Variants in FGF13 observed in about 807,000 individuals in gnomAD.
FGF13 encodes the protein fibroblast growth factor homologous factor 2.
A neutral mutation model predicts 19.5 loss-of-function variants in FGF13; 2 were observed. The observed-to-expected ratio is 0.10, with a 90% confidence interval of 0.04 to 0.32. The LOEUF is 0.32. Ranked by LOEUF, FGF13 falls within the 10% of genes least tolerant of loss-of-function variation. The pLI is 1.00. For missense variants in FGF13, 113 were observed against 192.7 expected (o/e 0.59, Z 2.45); for synonymous variants, 72 against 76.9 (o/e 0.94, Z 0.33).
At chrX:138,971,745 T>A (rs1421984264) in intron 1 of FGF13, among the ~76,000 whole-genome samples, 1 of 111,582 alleles carries the variant, frequency 9.0e-6, no homozygotes, top group Non-Finnish European at 1.9e-5. Context: ...ATCCGCTATT[T>A]TGAAGTATAC....
chrX:139,122,029 T>C (rs1469305347), intron 1 of FGF13, among the ~76,000 whole-genome samples: 1 of 111,376 alleles, frequency 9.0e-6, no homozygotes, highest in Non-Finnish European at 1.9e-5. Flanking sequence ...GGCAAGAAGA[T>C]AGTGACACAG....
At chrX:138,679,925 C>T (rs2089711130) in intron 3 of FGF13, among the ~76,000 whole-genome samples, 1 of 112,185 alleles carries the variant, frequency 8.9e-6, no homozygotes, top group Admixed American at 9.4e-5. Flanking sequence ...ATTTCAAAAT[C>T]GGATTATATC....
intron 3 of FGF13, among the ~76,000 whole-genome samples, chrX:138,832,505 GTTGT>G (rs988055146): frequency 3.6e-5 from 4 of 111,689 alleles, no homozygotes; most frequent in African/African-American, 1.3e-4. Flanking sequence ...TTTTAATAGG[GTTGT>G]TTGTTTTTAT....
At position 139,124,697 on chromosome X, in the gene FGF13, A is replaced by C. The variant is rs1449961222; in HGVS notation, c.-113+78719T>G. Among the ~76,000 whole-genome samples, 8 of 112,345 alleles carry C rather than the reference A, an allele frequency of 7.1e-5. No homozygotes were observed. In the Admixed American group the frequency reaches 7.6e-4, roughly 11 times the overall value. ...TTCCTCATCTGGAAAAGTGGAAATA[A>C]CAATAAGTTCCCCGTAAGGTTTTTG... is the stretch of plus-strand genomic sequence containing the variant. On this transcript the variant is annotated intron_variant, in intron 1 of 2. Coordinates refer to the FGF13 transcript ENST00000421460.
At chrX:138,791,183 C>G (rs2090739683) in intron 3 of FGF13, among the ~76,000 whole-genome samples, 1 of 112,237 alleles carries the variant, frequency 8.9e-6, no homozygotes, top group African/African-American at 3.2e-5. Context: ...CTAAAGCTGA[C>G]TTAAAGTATG....
intron 1 of FGF13, among the ~76,000 whole-genome samples, chrX:138,910,786 A>T (rs2091583666): frequency 8.9e-6 from 1 of 112,424 alleles, no homozygotes; most frequent in African/African-American, 3.2e-5. Context: ...CAGACATTAT[A>T]TTTAATGATT....
intron 3 of FGF13, among the ~76,000 whole-genome samples, chrX:138,762,269 CT>C (rs1004232277): frequency 9.0e-6 from 1 of 111,029 alleles, no homozygotes; most frequent in Non-Finnish European, 1.9e-5. Flanking sequence ...CCAATGGTGC[CT>C]TTGACCTGAT....
chrX:139,028,610 TGTGTGTGAGA>T (rs1214351565), intron 1 of FGF13, among the ~76,000 whole-genome samples: 10 of 52,748 alleles, frequency 1.9e-4, no homozygotes, highest in Admixed American at 1.4e-3. Context: ...TGTGTGTGTG[TGTGTGTGAGA>T]GAGAGAGAGA....
At chrX:138,861,254 A>G (rs1379944982) in intron 2 of FGF13, among the ~76,000 whole-genome samples, 2 of 112,004 alleles carry the variant, frequency 1.8e-5, no homozygotes, top group Non-Finnish European at 3.8e-5. Context: ...GACCTGGCCT[A>G]ACGTACTCAT....
intron 1 of FGF13, among the ~76,000 whole-genome samples, chrX:139,073,758 C>A (rs2092384290): frequency 8.9e-6 from 1 of 112,087 alleles, no homozygotes; most frequent in South Asian, 3.7e-4. Flanking sequence ...GTGTTTTTCT[C>A]CTCTCCACTG....
At chrX:138,725,064 G>A (rs996201744) in intron 1 of FGF13, among the ~76,000 whole-genome samples, 1 of 111,376 alleles carries the variant, frequency 9.0e-6, no homozygotes, top group Non-Finnish European at 1.9e-5. Flanking sequence ...CATCATAGTT[G>A]GCTTCAATTT....
chrX:138,644,809 A>C (rs1228517323), intron 3 of FGF13, among the ~76,000 whole-genome samples: 2 of 112,237 alleles, frequency 1.8e-5, no homozygotes, highest in African/African-American at 6.5e-5. Context: ...AGCTGGTGTC[A>C]CAGGGCAAGG....
In FGF13 at chrX:139,118,365, ATGCGTAT is replaced by A. The variant is rs1418085166; in HGVS notation, c.-113+85044_-113+85050del. 4.5e-5 allele frequency among the ~76,000 whole-genome samples: 5 copies of A among 111,816 alleles called. No individual in the cohort carries two copies. The East Asian group carries it at 1.4e-3, about 32-fold the overall frequency. On this transcript the variant is annotated intron_variant, in intron 1 of 2. Transcript: ENST00000421460. ...CATCATAAGTTAAGGAGCTTACTAA[ATGCGTAT>A]TGCTTTCACACCATTATAAAGTTGA...
intron 1 of FGF13, among the ~76,000 whole-genome samples, chrX:138,929,885 TGTG>T (rs2091693305): frequency 9.2e-6 from 1 of 109,093 alleles, no homozygotes; most frequent in Admixed American, 9.9e-5. Flanking sequence ...TGTGTGTGTG[TGTG>T]TGTGTGTGTG....
At chrX:139,178,074 G>T (rs997010373) in intron 1 of FGF13, among the ~76,000 whole-genome samples, 1 of 111,681 alleles carries the variant, frequency 9.0e-6, no homozygotes, top group African/African-American at 3.3e-5. Context: ...GAGATGAGCT[G>T]GGTACCTCAG....
At chrX:138,958,823 T>C (rs933121630) in intron 1 of FGF13, among the ~76,000 whole-genome samples, 4 of 111,927 alleles carry the variant, frequency 3.6e-5, no homozygotes, top group African/African-American at 6.5e-5. Flanking sequence ...GTGTTTATAG[T>C]ATTCTCTGAT....
intron 3 of FGF13, among the ~76,000 whole-genome samples, chrX:138,784,742 A>C (rs1247695639): frequency 1.8e-5 from 2 of 111,590 alleles, no homozygotes; most frequent in Admixed American, 9.6e-5. Flanking sequence ...CATGTATTCA[A>C]GTCTCTCTAT....
At chrX:139,165,816 T>TA (rs2084079641) in intron 1 of FGF13, among the ~76,000 whole-genome samples, 1 of 111,844 alleles carries the variant, frequency 8.9e-6, no homozygotes, top group Non-Finnish European at 1.9e-5. Context: ...TATGAGGGTA[T>TA]GATAGTCTCC....
rs147704927 is a variant in FGF13, at chrX:138,999,051, A to G, written c.-112-134401T>C. ...GAAACAGACTAAAAACTGCACAACT[A>G]CATGGAAACTGAACAACCTGCTCCT... On this transcript the variant is annotated intron_variant, in intron 1 of 2. Coordinates refer to the FGF13 transcript ENST00000421460. Among the ~76,000 whole-genome samples, 312 of 112,247 alleles carry G rather than the reference A, an allele frequency of 2.8e-3. 2 individuals carry two copies. Among genetic ancestry groups the G allele is most frequent in the African/African-American group, 9.8e-3 (303 of 30,872 alleles).
Sources: allele counts gnomAD v4.1 joint callset (sites outside exome capture counted in the v4.1 genomes callset), GRCh38; gene constraint gnomAD v4.1.1; transcripts MANE v1.5; gene names NCBI Gene and HGNC (gene_info 2026-07-23, HGNC 2026-07-21).